Variants in CENPP observed in about 807,000 individuals in gnomAD.
CENPP encodes centromere protein P.
A neutral mutation model predicts 35.6 loss-of-function variants in CENPP; 24 were observed. The observed-to-expected ratio is 0.67, with a 90% confidence interval of 0.49 to 0.95. The LOEUF (loss-of-function observed/expected upper bound fraction) is 0.95, where lower values mean the gene tolerates loss of function less well. Among genes scored for constraint, CENPP ranks in the 40% least tolerant of loss-of-function variants. The pLI, the probability that CENPP is intolerant of heterozygous loss-of-function variation, is 0.00. For synonymous variants in CENPP, 120 were observed against 125.5 expected, an observed-to-expected ratio of 0.96 and a Z score of 0.29; for missense variants, 332 against 345.3, an observed-to-expected ratio of 0.96 and a Z score of 0.31.
chr9:92,465,640 C>G (rs1159979906), intron 5 of CENPP, among the ~76,000 whole-genome samples: 1 of 152,098 alleles, frequency 6.6e-6, no homozygotes, highest in Non-Finnish European at 1.5e-5. Flanking sequence ...CAAAAAATTC[C>G]TCACATCGAT....
intron 5 of CENPP, among the ~76,000 whole-genome samples, chr9:92,545,451 G>A (rs1193547816): frequency 6.6e-6 from 1 of 152,202 alleles, no homozygotes; most frequent in Admixed American, 6.5e-5. Flanking sequence ...CCGGCGCTGT[G>A]CTTGATTTCT....
Position 92,460,627 on chromosome 9 carries a change from G to A in CENPP, c.564+80768G>A, listed in dbSNP as rs1845073470. 1.1e-5 allele frequency: 12 copies of A among 1,075,186 alleles called. No homozygotes were observed. In the South Asian group the frequency reaches 1.7e-4, roughly 15 times the overall value. The allele number at this position is 1,075,186 out of a possible 1,614,324, so 66.6% of individuals were successfully genotyped here. On this transcript the variant is annotated intron_variant, in intron 5 of 7. Coordinates refer to ENST00000375587, the MANE Select transcript of CENPP (RefSeq NM_001012267.3). ...TATCACTAAGCCCAATTGACTATTTGTTTACTTTTCAAGTTTCAGATTATG... is the reference window on the plus strand; with the variant it reads ...TATCACTAAGCCCAATTGACTATTTATTTACTTTTCAAGTTTCAGATTATG...
chr9:92,559,946 C>T (rs1849812315), intron 5 of CENPP, among the ~76,000 whole-genome samples: 1 of 152,176 alleles, frequency 6.6e-6, no homozygotes, highest in East Asian at 1.9e-4. Context: ...ACAAGGATCG[C>T]TTGAGCAACA....
chr9:92,360,863 C>A (rs1449471239), intron 4 of CENPP, among the ~76,000 whole-genome samples: 1 of 151,096 alleles, frequency 6.6e-6, no homozygotes, highest in Non-Finnish European at 1.5e-5. Context: ...CACCACCACA[C>A]CCGGCTAATT....
At chr9:92,445,132 C>G (rs1844519225) in intron 5 of CENPP, among the ~76,000 whole-genome samples, 1 of 152,186 alleles carries the variant, frequency 6.6e-6, no homozygotes, top group East Asian at 1.9e-4. Flanking sequence ...CCTACCACTT[C>G]TCTAAGCAGC....
intron 4 of CENPP, among the ~76,000 whole-genome samples, chr9:92,371,792 G>GTA (rs35498369): frequency 0.4 from 60,565 of 149,788 alleles, 14,435 homozygotes; most frequent in African/African-American, 0.66. Flanking sequence ...TATATTGGGT[G>GTA]TATATATATA....
At chr9:92,330,143 A>G (rs1216028774) in intron 1 of CENPP, among the ~76,000 whole-genome samples, 1 of 152,226 alleles carries the variant, frequency 6.6e-6, no homozygotes, top group Non-Finnish European at 1.5e-5. Flanking sequence ...AGGGAGCAGA[A>G]CGGATGGCAG....
rs141047893 is a variant in CENPP, at chr9:92,440,701, C to T, written c.564+60842C>T. 4.5e-4 allele frequency among the ~76,000 whole-genome samples: 68 copies of T among 152,236 alleles called. 2 individuals carry two copies. The East Asian group carries it at 0.01, about 22-fold the overall frequency. On this transcript the variant is annotated intron_variant, in intron 5 of 7. Transcript: ENST00000375587. ...GCGAAAGTTATGACCACAATTAATG[C>T]ATTATAAGTATTTAGTTAAGAGGGA...
At chr9:92,444,045 A>G (rs1219955394) in intron 5 of CENPP, among the ~76,000 whole-genome samples, 1 of 152,196 alleles carries the variant, frequency 6.6e-6, no homozygotes, top group Admixed American at 6.5e-5. Flanking sequence ...CTCGACATAT[A>G]TGATTGCTTG....
intron 5 of CENPP, among the ~76,000 whole-genome samples, chr9:92,381,804 A>C (rs10761154): frequency 1.3e-5 from 2 of 151,842 alleles, no homozygotes; most frequent in African/African-American, 4.8e-5. Flanking sequence ...GAAGAACCGC[A>C]TACTCTTTTC....
At chr9:92,553,997 A>C (rs1405253651) in intron 5 of CENPP, among the ~76,000 whole-genome samples, 1 of 152,152 alleles carries the variant, frequency 6.6e-6, no homozygotes, top group Non-Finnish European at 1.5e-5. Context: ...TCCAGTTCTC[A>C]GAATGCTTTC....
intron 5 of CENPP, among the ~76,000 whole-genome samples, chr9:92,601,422 C>A (rs996461832): frequency 2.0e-5 from 3 of 152,116 alleles, no homozygotes; most frequent in Non-Finnish European, 4.4e-5. Context: ...TCTGGTGCTG[C>A]CGGCGGTTAG....
At chr9:92,492,483 G>T (rs1846199681) in intron 5 of CENPP, among the ~76,000 whole-genome samples, 1 of 152,172 alleles carries the variant, frequency 6.6e-6, no homozygotes, top group Admixed American at 6.5e-5. Context: ...GTGTTTTAAT[G>T]AAAGCAGTCA....
intron 5 of CENPP, among the ~76,000 whole-genome samples, chr9:92,550,232 C>T (rs1020973923): frequency 5.3e-5 from 8 of 152,254 alleles, no homozygotes; most frequent in Middle Eastern, 3.4e-3. Context: ...CCCGTCTCTA[C>T]TAAAATACAC....
At chr9:92,385,570 C>T in intron 5 of CENPP, 1 of 1,501,564 alleles carries the variant, frequency 6.7e-7, no homozygotes, top group South Asian at 1.2e-5. Context: ...ATTGTTGAGA[C>T]AGACTATTAG....
At chr9:92,611,061 C>A in intron 5 of CENPP, 2 of 570,290 alleles carry the variant, frequency 3.5e-6, no homozygotes, top group South Asian at 4.0e-5. Flanking sequence ...GAGAATACAG[C>A]TGTAGGGAGG....
At chr9:92,599,827 A>G (rs928403504) in intron 5 of CENPP, among the ~76,000 whole-genome samples, 6 of 152,088 alleles carry the variant, frequency 3.9e-5, no homozygotes, top group African/African-American at 1.4e-4. Flanking sequence ...TCCATTTACG[A>G]GACATGGTCA....
At chr9:92,345,349 G>A (rs542074412) in intron 3 of CENPP, among the ~76,000 whole-genome samples, 1 of 151,948 alleles carries the variant, frequency 6.6e-6, no homozygotes, top group African/African-American at 2.4e-5. Flanking sequence ...GCCGGGCGTG[G>A]TGGTGGGCAC....
At chr9:92,339,627 A>C (rs1451074182) in intron 3 of CENPP, 1 of 152,810 alleles carries the variant, frequency 6.5e-6, no homozygotes, top group East Asian at 1.9e-4. Context: ...CAGCATGTTC[A>C]ATGTGTCAGG....
Sources: gnomAD v4.1 joint callset for allele counts (sites outside exome capture counted in the v4.1 genomes callset) on GRCh38, gnomAD v4.1.1 for gene constraint, MANE v1.5 for transcripts, NCBI Gene and HGNC (gene_info 2026-07-23, HGNC 2026-07-21) for gene names.